The following LMX1B variants were observed in gnomAD, a reference collection of about 807,000 sequenced individuals.
LMX1B encodes the protein LIM homeobox transcription factor 1-beta.
LMX1B carries 12 observed loss-of-function variants against 51.4 expected under a neutral mutation model. The observed-to-expected ratio is 0.23, with a 90% confidence interval of 0.15 to 0.38. LMX1B has a LOEUF of 0.38. LMX1B is among the 10% of genes least tolerant of loss of function. LMX1B has a pLI of 1.00. For synonymous variants in LMX1B, 237 were observed against 235.4 expected, an observed-to-expected ratio of 1.01 and a Z score of -0.06; for missense variants, 445 against 571.1, an observed-to-expected ratio of 0.78 and a Z score of 2.25.
In LMX1B at chr9:126,677,106, C is replaced by G. The variant is rs539771531; in HGVS notation, c.327-13730C>G. Among the ~76,000 whole-genome samples, 5 of 152,134 alleles carry G rather than the reference C, an allele frequency of 3.3e-5. No individual in the cohort carries two copies. On this transcript the variant is annotated intron_variant, in intron 2 of 7. Transcript: ENST00000373474. The surrounding 1 kb of genome is among the most constrained non-coding windows in gnomAD (Gnocchi z 5.0). ...GGCGGGCTGCGTGCCCTGCCTGTCCCGAAGGCCGAGCCCTGACCTGCCTCG... is the reference window on the plus strand; with the variant it reads ...GGCGGGCTGCGTGCCCTGCCTGTCCGGAAGGCCGAGCCCTGACCTGCCTCG...
rs904610381 is a variant in LMX1B, at chr9:126,698,919, A to G, written c.*2468A>G. On this transcript the variant is annotated 3_prime_UTR_variant, in exon 8 of 8. Coordinates refer to ENST00000373474, the MANE Select transcript of LMX1B (RefSeq NM_001174147.2). The stretch of plus-strand genomic sequence containing the variant: ...CCCTTCTGCAGCTCTTCTTACAAAC[A>G]GAGCCTCTCCAAGGACCTCAGTTGA... 6.6e-6 allele frequency: 1 copy of G among 152,368 alleles called. No individual in the cohort carries two copies. The highest frequency in any genetic ancestry group is 2.4e-5 in the African/African-American group (1 of 41,456). 9.4% of individuals were successfully genotyped at this position (152,368 alleles called of 1,614,324 possible). A position where few individuals can be genotyped will look rare whatever the true frequency, so the allele number is the denominator to read the frequency against.
chr9:126,680,693 C>T (rs567668894), intron 2 of LMX1B, among the ~76,000 whole-genome samples: 5 of 151,980 alleles, frequency 3.3e-5, no homozygotes, highest in African/African-American at 9.7e-5. Context: ...TGGTAGGTGC[C>T]GGGTAAACGT....
chr9:126,646,641 C>T (rs747273791), intron 2 of LMX1B, among the ~76,000 whole-genome samples: 1 of 152,220 alleles, frequency 6.6e-6, no homozygotes, highest in Non-Finnish European at 1.5e-5. Flanking sequence ...TAAGATGAGC[C>T]CCTCAGCCCC....
chr9:126,691,102 G>T lies in LMX1B; in HGVS notation c.559+34G>T, dbSNP rs570534209. On this transcript the variant is annotated intron_variant, in intron 3 of 7. Transcript: ENST00000373474. ...TGGCCTGAGCTGGGGGCAGGCCTCA[G>T]GGACGGGGGTTGCTGGGGTGTCCTG... 13 of 1,549,332 alleles carry T rather than the reference G, an allele frequency of 8.4e-6. No individual in the cohort carries two copies. In the Admixed American group the frequency reaches 2.2e-4, roughly 26 times the overall value.
chr9:126,629,891 A>G (rs1835602811), intron 2 of LMX1B, among the ~76,000 whole-genome samples: 1 of 151,912 alleles, frequency 6.6e-6, no homozygotes, highest in Admixed American at 6.6e-5. Context: ...CATGCCTGTA[A>G]TCCCAGCACT....
Position 126,696,017 on chromosome 9 carries a change from C to CCCT in LMX1B, c.1051+16_1051+17insTCC. ...TGAACCCCTATGGTAAGCCGCCCTACCCCCACCCGCCCGCCCCAGCACAGC... is the reference window on the plus strand; with the variant it reads ...TGAACCCCTATGGTAAGCCGCCCTACCCTCCCCACCCGCCCGCCCCAGCACAGC... On this transcript the variant is annotated intron_variant, in intron 7 of 7. Coordinates refer to ENST00000373474, the MANE Select transcript of LMX1B (RefSeq NM_001174147.2). The CCCT allele has an allele frequency of 1.3e-6, 2 of 1,497,326 alleles. No individual in the cohort carries two copies. The highest frequency in any genetic ancestry group is 1.8e-6 in the Non-Finnish European group (2 of 1,122,898). The allele number at this position is 1,497,326 out of a possible 1,614,324, so 92.8% of individuals were successfully genotyped here. A position where few individuals can be genotyped will look rare whatever the true frequency, so the allele number is the denominator to read the frequency against.
At chr9:126,679,089 CA>C (rs2118962025) in intron 2 of LMX1B, among the ~76,000 whole-genome samples, 1 of 152,334 alleles carries the variant, frequency 6.6e-6, no homozygotes, top group South Asian at 2.1e-4. Flanking sequence ...CCTGCTCTCC[CA>C]TTCTACCAGG....
intron 2 of LMX1B, among the ~76,000 whole-genome samples, chr9:126,634,438 C>T (rs1384236509): frequency 1.3e-5 from 2 of 152,194 alleles, no homozygotes; most frequent in Non-Finnish European, 2.9e-5. Context: ...GAAGAAAACG[C>T]TCCAGGTCCT....
intron 2 of LMX1B, among the ~76,000 whole-genome samples, chr9:126,620,398 G>A (rs569971909): frequency 6.6e-6 from 1 of 152,346 alleles, no homozygotes; most frequent in East Asian, 1.9e-4. Context: ...GGGTGATGAT[G>A]TGACTTTGCA....
chr9:126,618,945 C>T lies in LMX1B; in HGVS notation c.326+3376C>T, dbSNP rs1055987888. ...CGAGACGCGGGGTTCCGGCCCGGGC[C>T]GCGCTCCTACCTCGGCGGCGGGGCC... On this transcript the variant is annotated intron_variant, in intron 2 of 7. Coordinates refer to ENST00000373474, the MANE Select transcript of LMX1B (RefSeq NM_001174147.2). The surrounding 1 kb of genome is among the most constrained non-coding windows in gnomAD (Gnocchi z 4.5). 6.6e-6 allele frequency among the ~76,000 whole-genome samples: 1 copy of T among 151,864 alleles called. No individual in the cohort carries two copies. The highest frequency in any genetic ancestry group is 2.4e-5 in the African/African-American group (1 of 41,368).
At chr9:126,623,094 G>A (rs1229210198) in intron 2 of LMX1B, among the ~76,000 whole-genome samples, 2 of 152,370 alleles carry the variant, frequency 1.3e-5, no homozygotes, top group Middle Eastern at 3.4e-3. Context: ...TCTGTCCTGC[G>A]TGGGAGGCCC....
At chr9:126,640,197 G>A (rs1328041725) in intron 2 of LMX1B, among the ~76,000 whole-genome samples, 2 of 152,226 alleles carry the variant, frequency 1.3e-5, no homozygotes, top group East Asian at 3.9e-4. Context: ...GCTGCTTCCA[G>A]AGCGGGGACC....
At chr9:126,657,826 G>C (rs1276672272) in intron 2 of LMX1B, among the ~76,000 whole-genome samples, 1 of 152,230 alleles carries the variant, frequency 6.6e-6, no homozygotes, top group Non-Finnish European at 1.5e-5. Flanking sequence ...AGATCACCTA[G>C]GGCTGTCCAT....
Position 126,618,641 on chromosome 9 carries a change from A to G in LMX1B, c.326+3072A>G, listed in dbSNP as rs1835348390. 6.6e-6 allele frequency among the ~76,000 whole-genome samples: 1 copy of G among 152,192 alleles called. No homozygotes were observed. Among genetic ancestry groups the G allele is most frequent in the Non-Finnish European group, 1.5e-5 (1 of 68,038 alleles). On this transcript the variant is annotated intron_variant, in intron 2 of 7. Transcript: ENST00000373474. This position sits in a 1 kb window ranked among gnomAD's most constrained non-coding sequence, Gnocchi z 4.5. Reference sequence around the variant, plus strand: ...TCTCACCGTCCTCCACCGGAGAACAAATGAAAAATAAGGCACTTTCCCCCC... The same window carrying G: ...TCTCACCGTCCTCCACCGGAGAACAGATGAAAAATAAGGCACTTTCCCCCC...
chr9:126,648,339 C>G (rs941530108), intron 2 of LMX1B, among the ~76,000 whole-genome samples: 1 of 152,172 alleles, frequency 6.6e-6, no homozygotes, highest in Non-Finnish European at 1.5e-5. Context: ...AAGGCAGGTC[C>G]CAGCCCTGCG....
intron 2 of LMX1B, among the ~76,000 whole-genome samples, chr9:126,668,112 CG>C (rs1337740989): frequency 3.3e-5 from 5 of 152,168 alleles, no homozygotes; most frequent in Middle Eastern, 3.4e-3. Context: ...GGTTAGGAAA[CG>C]GAGGGCAGAA....
intron 2 of LMX1B, among the ~76,000 whole-genome samples, chr9:126,679,734 C>T (rs1342306010): frequency 6.6e-6 from 1 of 152,186 alleles, no homozygotes; most frequent in Admixed American, 6.5e-5. Context: ...TCTTCCTAAC[C>T]CTGAAAATGG....
At chr9:126,632,450 T>C (rs1385678169) in intron 2 of LMX1B, among the ~76,000 whole-genome samples, 1 of 152,114 alleles carries the variant, frequency 6.6e-6, no homozygotes, top group African/African-American at 2.4e-5. Context: ...GACTGGAGGC[T>C]GCAGAGCAGG....
At chr9:126,683,442 G>A in intron 2 of LMX1B, among the ~76,000 whole-genome samples, 1 of 152,214 alleles carries the variant, frequency 6.6e-6, no homozygotes, top group Non-Finnish European at 1.5e-5. Context: ...GCACGTGGGG[G>A]AGATGTCAGC....
Sources: allele counts gnomAD v4.1 joint callset (sites outside exome capture counted in the v4.1 genomes callset), GRCh38; gene constraint gnomAD v4.1.1; non-coding constraint Gnocchi (gnomAD v3.1); transcripts MANE v1.5; gene names NCBI Gene and HGNC (gene_info 2026-07-23, HGNC 2026-07-21).